ABHD12: variants seen among roughly 807,000 people sequenced by gnomAD.
The protein encoded by ABHD12 is lysophosphatidylserine lipase ABHD12.
In ABHD12, 43 loss-of-function variants were observed where a neutral mutation model predicts 58.3. The observed-to-expected ratio is 0.74, with a 90% CI of 0.58 to 0.95. The LOEUF is 0.95. ABHD12 is among the 40% of genes least tolerant of loss of function. ABHD12 has a pLI of 0.00. For missense variants in ABHD12, 539 were observed against 537.2 expected (o/e 1.00, Z -0.03); for synonymous variants, 219 against 211.2 (o/e 1.04, Z -0.32).
intron 2 of ABHD12, among the ~76,000 whole-genome samples, chr20:25,323,806 G>A (rs1343937809): frequency 1.3e-5 from 2 of 152,172 alleles, no homozygotes; most frequent in African/African-American, 4.8e-5. Context: ...TCTGAAGGAT[G>A]GGCCAGCCAG....
Position 25,386,263 on chromosome 20 carries a change from C to CTT in ABHD12, c.191+4248_191+4249dup, listed in dbSNP as rs201723868. 1.3e-4 allele frequency among the ~76,000 whole-genome samples: 19 copies of CTT among 142,194 alleles called. No homozygotes were observed. In the East Asian group the frequency reaches 2.6e-3, roughly 19 times the overall value. The allele number at this position is 142,194 out of a possible 152,430, so 93.3% of individuals were successfully genotyped here. A position where few individuals can be genotyped will look rare whatever the true frequency, so the allele number is the denominator to read the frequency against. On this transcript the variant is annotated intron_variant, in intron 1 of 12. Coordinates refer to ENST00000339157, the MANE Select transcript of ABHD12 (RefSeq NM_001042472.3). ...AATGATGTAAAATTTCTTTTTCTTT[C>CTT]TTTTTTTTTTTTTGAGATGGAGTCT...
chr20:25,340,139 T>C (rs2089436076), intron 1 of ABHD12, among the ~76,000 whole-genome samples: 1 of 152,256 alleles, frequency 6.6e-6, no homozygotes, highest in Admixed American at 6.5e-5. Flanking sequence ...TTACTTCTTA[T>C]TTGACAGACA....
At chr20:25,298,258 C>T (rs553052829), downstream of ABHD12, among the ~76,000 whole-genome samples, 2 of 132,606 alleles carry the variant, frequency 1.5e-5, no homozygotes, top group African/African-American at 2.7e-5. Context: ...TGTGCCTGAA[C>T]GGCTAGTTTT....
intron 1 of ABHD12, among the ~76,000 whole-genome samples, chr20:25,372,220 C>CT (rs539579415): frequency 0.01 from 1,449 of 144,558 alleles, 21 homozygotes; most frequent in African/African-American, 0.027. Context: ...TCAGCCTCTT[C>CT]TTTTTTTTTT....
At chr20:25,365,210 A>G (rs1329427273) in intron 1 of ABHD12, among the ~76,000 whole-genome samples, 1 of 152,234 alleles carries the variant, frequency 6.6e-6, no homozygotes, top group Non-Finnish European at 1.5e-5. Flanking sequence ...AAATTAAAAC[A>G]AAGTCTCACT....
At chr20:25,321,691 C>T (rs184236733) in intron 3 of ABHD12, among the ~76,000 whole-genome samples, 3 of 152,348 alleles carry the variant, frequency 2.0e-5, no homozygotes, top group Non-Finnish European at 2.9e-5. Flanking sequence ...CATAAACACC[C>T]TCCTGCAATA....
At chr20:25,385,317 A>C (rs1254023188) in intron 1 of ABHD12, among the ~76,000 whole-genome samples, 1 of 146,208 alleles carries the variant, frequency 6.8e-6, no homozygotes, top group African/African-American at 2.6e-5. Flanking sequence ...AACCTGGACA[A>C]CAAGAGTGAG....
intron 1 of ABHD12, among the ~76,000 whole-genome samples, chr20:25,385,788 T>C (rs6083825): frequency 0.54 from 82,194 of 152,048 alleles, 22,803 homozygotes; most frequent in Admixed American, 0.61. Context: ...TAAAAAATTC[T>C]TAAGCTGGCT....
downstream of ABHD12, among the ~76,000 whole-genome samples, chr20:25,299,714 G>A (rs532156100): frequency 6.6e-6 from 1 of 152,282 alleles, no homozygotes; most frequent in East Asian, 1.9e-4. Flanking sequence ...CCCCGGCTCA[G>A]ATGGCCATGC....
intron 1 of ABHD12, among the ~76,000 whole-genome samples, chr20:25,381,719 G>A (rs1448391290): frequency 6.6e-6 from 1 of 151,152 alleles, no homozygotes; most frequent in African/African-American, 2.4e-5. Context: ...GCTCACTGCA[G>A]CCTCCACCTC....
intron 2 of ABHD12, among the ~76,000 whole-genome samples, chr20:25,337,437 C>T (rs1356815273): frequency 1.3e-5 from 2 of 152,252 alleles, no homozygotes; most frequent in Admixed American, 1.3e-4. Context: ...CAGGAGAACC[C>T]AAAGTTCTCC....
At chr20:25,361,618 T>C (rs1461983174) in intron 1 of ABHD12, among the ~76,000 whole-genome samples, 2 of 152,342 alleles carry the variant, frequency 1.3e-5, no homozygotes, top group South Asian at 2.1e-4. Context: ...GTTACTGGTA[T>C]ATAAGAAAGC....
At chr20:25,294,953 G>C in exon 13 of ABHD12, 1 of 1,613,958 alleles carries the variant, frequency 6.2e-7, no homozygotes, top group Non-Finnish European at 8.5e-7. Flanking sequence ...TTCGATGACC[G>C]TGTCACCTGT....
intron 6 of ABHD12, among the ~76,000 whole-genome samples, chr20:25,312,185 G>A (rs971280402): frequency 1.8e-4 from 27 of 151,424 alleles, no homozygotes; most frequent in African/African-American, 6.3e-4. Context: ...CTCTCCCCAC[G>A]GTCTCCCTCT....
intron 4 of ABHD12, among the ~76,000 whole-genome samples, chr20:25,317,602 C>T (rs768196021): frequency 3.9e-5 from 6 of 152,246 alleles, no homozygotes; most frequent in African/African-American, 7.2e-5. Context: ...CCCTGCCTTA[C>T]AGCCCTTCAC....
At chr20:25,306,159 T>C in intron 10 of ABHD12, among the ~76,000 whole-genome samples, 1 of 142,474 alleles carries the variant, frequency 7.0e-6, no homozygotes, top group Non-Finnish European at 1.5e-5. Context: ...AGAGCAAGAC[T>C]CCGTCTCAAA....
Position 25,337,214 on chromosome 20 carries a change from C to T in ABHD12, c.316+2013G>A, listed in dbSNP as rs552936672. Reference sequence around the variant, plus strand: ...CTGGGAGGTCGAGGCTGCAGTGAGCCGTGATCATACCCCTGCAGTCCAGCT... The same window carrying T: ...CTGGGAGGTCGAGGCTGCAGTGAGCTGTGATCATACCCCTGCAGTCCAGCT... On this transcript the variant is annotated intron_variant, in intron 2 of 12. Coordinates refer to ENST00000339157, the MANE Select transcript of ABHD12 (RefSeq NM_001042472.3). 5.3e-5 allele frequency among the ~76,000 whole-genome samples: 8 copies of T among 152,278 alleles called. No individual in the cohort carries two copies. The East Asian group carries it at 9.7e-4, about 18-fold the overall frequency.
chr20:25,323,174 T>G, intron 3 of ABHD12, 151 bp downstream of exon 3: 3 of 697,440 alleles, frequency 4.3e-6, no homozygotes, highest in Non-Finnish European at 5.3e-6. Context: ...TTAGGATGGA[T>G]CAAATGTACT....
intron 3 of ABHD12, among the ~76,000 whole-genome samples, chr20:25,322,288 A>G (rs981689028): frequency 1.3e-5 from 2 of 149,922 alleles, no homozygotes; most frequent in African/African-American, 4.9e-5. Flanking sequence ...CACCATCATC[A>G]TCAGCTGGTG....
Sources: allele counts gnomAD v4.1 joint callset (sites outside exome capture counted in the v4.1 genomes callset), GRCh38; gene constraint gnomAD v4.1.1; transcripts MANE v1.5; gene names NCBI Gene and HGNC (gene_info 2026-07-23, HGNC 2026-07-21).